The following CSMD1 variants were observed in gnomAD, a reference collection of about 807,000 sequenced individuals.
CSMD1 encodes the protein CUB and sushi domain-containing protein 1.
Under a neutral mutation model 417.5 loss-of-function variants are expected in CSMD1, and 213 were observed. The ratio of observed to expected loss-of-function variants is 0.51; its 90% CI spans 0.46 to 0.57. CSMD1 has a LOEUF of 0.57. Ranked by LOEUF, CSMD1 falls within the 20% of genes least tolerant of loss-of-function variation. CSMD1 has a pLI of 0.00. For missense variants in CSMD1, 6,923 were observed against 4,529.7 expected, an observed-to-expected ratio of 1.53 and a Z score of -15.17; for synonymous variants, 2,862 against 1,736.8, an observed-to-expected ratio of 1.65 and a Z score of -16.11.
intron 2 of CSMD1, among the ~76,000 whole-genome samples, chr8:4,520,577 G>C (rs1017072324): frequency 6.6e-6 from 1 of 152,016 alleles, no homozygotes; most frequent in Non-Finnish European, 1.5e-5. Context: ...AATCAGAGTG[G>C]TTATGTCCTG....
intron 2 of CSMD1, among the ~76,000 whole-genome samples, chr8:4,465,924 A>G (rs899888192): frequency 1.3e-5 from 2 of 152,174 alleles, no homozygotes; most frequent in Admixed American, 1.3e-4. Flanking sequence ...TAGAAGAAGG[A>G]AAAGTCAGTA....
intron 3 of CSMD1, among the ~76,000 whole-genome samples, chr8:4,378,076 C>G (rs768503347): frequency 9.2e-5 from 14 of 152,162 alleles, no homozygotes; most frequent in Non-Finnish European, 1.5e-5. Flanking sequence ...ATTACAGACT[C>G]CGAAGGTGAA....
intron 3 of CSMD1, among the ~76,000 whole-genome samples, chr8:4,273,895 G>C (rs904194879): frequency 1.3e-5 from 2 of 152,168 alleles, no homozygotes; most frequent in African/African-American, 2.4e-5. Context: ...TGTTCAGTAA[G>C]TGTTGACTCT....
intron 2 of CSMD1, among the ~76,000 whole-genome samples, chr8:4,600,152 T>A (rs1280022093): frequency 6.6e-6 from 1 of 152,176 alleles, no homozygotes; most frequent in Non-Finnish European, 1.5e-5. Flanking sequence ...TGGGGCCATG[T>A]AGCTGAGCTG....
intron 30 of CSMD1, among the ~76,000 whole-genome samples, chr8:3,206,861 T>G (rs1006415305): frequency 6.6e-6 from 1 of 152,214 alleles, no homozygotes; most frequent in South Asian, 2.1e-4. Context: ...TCCCAGCCAT[T>G]TGATATCCAG....
At chr8:4,420,521 C>T (rs901400493) in intron 2 of CSMD1, among the ~76,000 whole-genome samples, 2 of 152,044 alleles carry the variant, frequency 1.3e-5, no homozygotes, top group Non-Finnish European at 2.9e-5. Flanking sequence ...TTTCCTAATT[C>T]ACTATTTTTA....
chr8:4,476,935 G>C (rs888928273), intron 2 of CSMD1, among the ~76,000 whole-genome samples: 1 of 152,210 alleles, frequency 6.6e-6, no homozygotes, highest in Non-Finnish European at 1.5e-5. Flanking sequence ...AAATGAAGCA[G>C]GGAAGGTAGG....
chr8:4,006,030 G>C (rs958538157), intron 4 of CSMD1, among the ~76,000 whole-genome samples: 3 of 152,052 alleles, frequency 2.0e-5, no homozygotes, highest in South Asian at 2.1e-4. Context: ...ATTTAGGACA[G>C]ATTTGAAAAA....
At chr8:3,140,480 T>C (rs933532771) in intron 41 of CSMD1, among the ~76,000 whole-genome samples, 2 of 152,206 alleles carry the variant, frequency 1.3e-5, no homozygotes, top group African/African-American at 4.8e-5. Context: ...ATGCTGGCAA[T>C]GTCTAGAGAC....
chr8:3,646,753 C>A (rs376091474), intron 7 of CSMD1, among the ~76,000 whole-genome samples: 87 of 152,230 alleles, frequency 5.7e-4, no homozygotes, highest in African/African-American at 2.1e-3. Flanking sequence ...CTGGAAAGAA[C>A]GTTTTCATGG....
chr8:4,439,237 A>G (rs1477924379), intron 2 of CSMD1, among the ~76,000 whole-genome samples: 2 of 152,180 alleles, frequency 1.3e-5, no homozygotes, highest in African/African-American at 4.8e-5. Flanking sequence ...TATATGAAAT[A>G]TATTGCTTCT....
In CSMD1 at chr8:3,162,277, G is replaced by A; in HGVS notation, c.5726C>T (p.Thr1909Ile). 9 of 1,583,696 alleles carry A rather than the reference G, an allele frequency of 5.7e-6. No homozygotes were observed. Among genetic ancestry groups the A allele is most frequent in the Non-Finnish European group, 7.8e-6 (9 of 1,157,428 alleles). The part of the protein sequence containing the change: ...AAAGFHLEYK[T>I]VGLAACQEPA... ...TTCTTGGCATGCAGCAAGACCTACA[G>A]CTAGAAATGCAAAGACAAATGCTAG... The change falls in exon 38 of 70, where the codon ACT becomes ATT. Residue 1909 changes from threonine (T) to isoleucine (I), a missense_variant and splice_region_variant. Physicochemically the swap from Thr to Ile is moderately conservative, Grantham distance 89. Transcript: ENST00000635120.
chr8:4,148,091 CAT>C (rs1796362988), intron 3 of CSMD1, among the ~76,000 whole-genome samples: 1 of 152,052 alleles, frequency 6.6e-6, no homozygotes, highest in South Asian at 2.1e-4. Flanking sequence ...TCTTGAAAAA[CAT>C]AACACAGATG....
chr8:2,967,698 T>C (rs1014743994), intron 57 of CSMD1, among the ~76,000 whole-genome samples: 3 of 152,196 alleles, frequency 2.0e-5, no homozygotes, highest in Non-Finnish European at 2.9e-5. Context: ...GATCAAAATA[T>C]TTAAAAATAC....
chr8:3,585,980 G>C (rs1050406945), intron 9 of CSMD1, among the ~76,000 whole-genome samples, 156 bp downstream of exon 9: 1 of 152,114 alleles, frequency 6.6e-6, no homozygotes, highest in Admixed American at 6.5e-5. Flanking sequence ...TCCAAGGAAA[G>C]GTTTCTGTTA....
chr8:4,386,599 G>A (rs1355775699), intron 3 of CSMD1, among the ~76,000 whole-genome samples: 1 of 152,222 alleles, frequency 6.6e-6, no homozygotes, highest in East Asian at 1.9e-4. Context: ...GGCAGGGCAT[G>A]CAGTTTATAT....
At chr8:4,195,029 C>G (rs1404706168) in intron 3 of CSMD1, among the ~76,000 whole-genome samples, 1 of 152,136 alleles carries the variant, frequency 6.6e-6, no homozygotes. Context: ...ACTTTTTTCA[C>G]TATCTACAAT....
chr8:3,229,087 T>C lies in CSMD1; in HGVS notation c.4345+953A>G, dbSNP rs546402418. Among the ~76,000 whole-genome samples, 10 of 152,292 alleles carry C rather than the reference T, an allele frequency of 6.6e-5. No homozygotes were observed. The East Asian group carries it at 1.9e-3, about 29-fold the overall frequency. ...TGGTTTGTCATAAGTAGGAGCGCCGTATCACAGCTCCCCAAGACCACTGAG... is the reference window on the plus strand; with the variant it reads ...TGGTTTGTCATAAGTAGGAGCGCCGCATCACAGCTCCCCAAGACCACTGAG... On this transcript the variant is annotated intron_variant, in intron 27 of 69. Transcript: ENST00000635120.
At chr8:4,088,117 C>T (rs1174914625) in intron 3 of CSMD1, among the ~76,000 whole-genome samples, 1 of 152,212 alleles carries the variant, frequency 6.6e-6, no homozygotes, top group Non-Finnish European at 1.5e-5. Flanking sequence ...AGGATAGCTG[C>T]AGTGGGGCTG....
Sources: gnomAD v4.1 joint callset for allele counts (sites outside exome capture counted in the v4.1 genomes callset) on GRCh38, gnomAD v4.1.1 for gene constraint, MANE v1.5 for transcripts, NCBI Gene and HGNC (gene_info 2026-07-23, HGNC 2026-07-21) for gene names.